The following SPIDR variants were observed in gnomAD, a reference collection of about 807,000 sequenced individuals.
SPIDR encodes the protein scaffold protein involved in DNA repair, also known as DNA repair-scaffolding protein.
A neutral mutation model predicts 104.6 loss-of-function variants in SPIDR; 93 were observed. The observed-to-expected ratio is 0.89, with a 90% CI of 0.75 to 1.06. The LOEUF (loss-of-function observed/expected upper bound fraction) is 1.06. Ranked by LOEUF, SPIDR falls within the 50% of genes least tolerant of loss-of-function variation. The probability of loss-of-function intolerance (pLI) is 0.00; values close to 1 mark genes in which losing one functional copy is unlikely to be tolerated. For missense variants in SPIDR, 1,154 were observed against 1,111.2 expected (o/e 1.04, Z -0.55); for synonymous variants, 431 against 416.9 (o/e 1.03, Z -0.41).
chr8:47,440,217 A>G (rs1219315658), intron 7 of SPIDR, 106 bp from the exon 8 acceptor site: 1 of 918,862 alleles, frequency 1.1e-6, no homozygotes, highest in Non-Finnish European at 1.7e-6. Flanking sequence ...TCTCCAGGTG[A>G]AGAGTGCTAT....
intron 8 of SPIDR, among the ~76,000 whole-genome samples, chr8:47,583,758 A>G (rs892388510): frequency 2.6e-5 from 4 of 152,216 alleles, no homozygotes; most frequent in African/African-American, 9.6e-5. Context: ...TTGACTCCAA[A>G]GTGCAGTCCT....
intron 10 of SPIDR, among the ~76,000 whole-genome samples, chr8:47,624,232 A>G (rs533891345): frequency 2.6e-5 from 4 of 152,238 alleles, no homozygotes; most frequent in South Asian, 4.1e-4. Flanking sequence ...GACACATTCA[A>G]AGCAGTGTGT....
chr8:47,598,721 T>A (rs1369028621), intron 9 of SPIDR, among the ~76,000 whole-genome samples: 1 of 152,186 alleles, frequency 6.6e-6, no homozygotes, highest in Non-Finnish European at 1.5e-5. Flanking sequence ...CTGTGGTCCT[T>A]GTTCTTTCAC....
chr8:47,569,566 T>G (rs1413659563), intron 8 of SPIDR, among the ~76,000 whole-genome samples: 1 of 152,188 alleles, frequency 6.6e-6, no homozygotes, highest in African/African-American at 2.4e-5. Context: ...GAGTATATTT[T>G]CCAGTTACAA....
intron 8 of SPIDR, among the ~76,000 whole-genome samples, chr8:47,594,644 T>TA (rs2061443953): frequency 6.6e-6 from 1 of 152,118 alleles, no homozygotes. Context: ...CAGCACATGT[T>TA]ACTGTTTCCG....
At chr8:47,344,674 G>A (rs543898754) in intron 5 of SPIDR, among the ~76,000 whole-genome samples, 5 of 152,322 alleles carry the variant, frequency 3.3e-5, no homozygotes, top group Non-Finnish European at 5.9e-5. Flanking sequence ...ACTGGTGTGA[G>A]ATGGTATCTC....
chr8:47,464,756 T>G (rs1554715979), intron 8 of SPIDR, among the ~76,000 whole-genome samples: 1 of 152,024 alleles, frequency 6.6e-6, no homozygotes, highest in African/African-American at 2.4e-5. Flanking sequence ...CTCATTTTTC[T>G]TTTGTTTTTT....
At chr8:47,394,548 C>T (rs930141436) in intron 5 of SPIDR, among the ~76,000 whole-genome samples, 7 of 152,186 alleles carry the variant, frequency 4.6e-5, no homozygotes, top group South Asian at 4.1e-4. Flanking sequence ...TGTCATCTAG[C>T]GGGGAGAGGC....
rs1462427657 is a variant in SPIDR at position 47,520,583 on chromosome 8, A to G, written c.1098-75228A>G. On this transcript the variant is annotated intron_variant, in intron 8 of 19. Coordinates refer to ENST00000297423, the MANE Select transcript of SPIDR (RefSeq NM_001080394.4). ...CACAAGACCGTGTGCTGGAAGTGGC[A>G]TGAAAATTCTTAACTTATTCCTTTC... Among the ~76,000 whole-genome samples the G allele has an allele frequency of 2.6e-5, 4 of 152,234 alleles. No individual in the cohort carries two copies. In the East Asian group the frequency reaches 7.7e-4, roughly 29 times the overall value.
intron 1 of SPIDR, among the ~76,000 whole-genome samples, chr8:47,268,217 A>G (rs1554548139): frequency 6.6e-6 from 1 of 152,216 alleles, no homozygotes; most frequent in East Asian, 1.9e-4. Context: ...CCTTTATTCT[A>G]GTACCATACT....
At chr8:47,300,406 C>T (rs1284176284) in intron 5 of SPIDR, among the ~76,000 whole-genome samples, 1 of 152,140 alleles carries the variant, frequency 6.6e-6, no homozygotes, top group Non-Finnish European at 1.5e-5. Flanking sequence ...AAGCCAGCTC[C>T]TGGATTCATT....
chr8:47,344,129 C>A, intron 5 of SPIDR, among the ~76,000 whole-genome samples: 1 of 142,406 alleles, frequency 7.0e-6, no homozygotes, highest in Non-Finnish European at 1.5e-5. Flanking sequence ...TCCCCCCACC[C>A]CACGACAAGT....
intron 8 of SPIDR, among the ~76,000 whole-genome samples, chr8:47,452,239 T>C (rs923922070): frequency 3.9e-5 from 6 of 152,100 alleles, no homozygotes; most frequent in Admixed American, 3.9e-4. Context: ...TCAGAAACTG[T>C]GAGGTCCAAA....
chr8:47,361,695 T>C (rs1397490169), intron 5 of SPIDR, among the ~76,000 whole-genome samples: 1 of 151,920 alleles, frequency 6.6e-6, no homozygotes, highest in African/African-American at 2.4e-5. Context: ...GGTTTGAGAG[T>C]CACTGAGATC....
At chr8:47,304,903 G>T (rs1256570340) in intron 5 of SPIDR, among the ~76,000 whole-genome samples, 24 of 152,184 alleles carry the variant, frequency 1.6e-4, no homozygotes, top group Non-Finnish European at 3.4e-4. Flanking sequence ...ACAGTAGTGG[G>T]TTTGTTACCA....
chr8:47,421,009 GTAACCCCACCTTTCTCTCTGGCTGCCCT>G (rs2065344125), intron 7 of SPIDR, among the ~76,000 whole-genome samples: 1 of 152,210 alleles, frequency 6.6e-6, no homozygotes, highest in Non-Finnish European at 1.5e-5. Flanking sequence ...CACTTTGTGG[GTAACCCCACCTTTCTCTCTGGCTGCCCT>G]TAACATTTTT....
intron 5 of SPIDR, among the ~76,000 whole-genome samples, chr8:47,366,845 A>G (rs1264677961): frequency 6.6e-6 from 1 of 152,230 alleles, no homozygotes; most frequent in Non-Finnish European, 1.5e-5. Context: ...CTCAGGATTG[A>G]AAACTAAAGA....
intron 8 of SPIDR, among the ~76,000 whole-genome samples, chr8:47,562,816 C>T (rs1587789651): frequency 6.6e-6 from 1 of 152,260 alleles, no homozygotes. Flanking sequence ...CACTGTCCCA[C>T]CCTTCATCCC....
intron 10 of SPIDR, among the ~76,000 whole-genome samples, chr8:47,611,610 G>A (rs1055968839): frequency 5.9e-5 from 9 of 152,002 alleles, no homozygotes; most frequent in South Asian, 2.1e-4. Context: ...AGGCAGGAGA[G>A]TGGCGTCAAC....
Sources: gnomAD v4.1 joint callset for allele counts (sites outside exome capture counted in the v4.1 genomes callset) on GRCh38, gnomAD v4.1.1 for gene constraint, MANE v1.5 for transcripts, NCBI Gene and HGNC (gene_info 2026-07-23, HGNC 2026-07-21) for gene names.